Variants in PHACTR3 observed in about 807,000 individuals in gnomAD.
PHACTR3 encodes phosphatase and actin regulator 3.
Under a neutral mutation model 66.8 loss-of-function variants are expected in PHACTR3, and 16 were observed. The ratio of observed to expected loss-of-function variants is 0.24; its 90% CI spans 0.16 to 0.36. The LOEUF is 0.36. PHACTR3 is among the 10% of genes least tolerant of loss of function. The probability of loss-of-function intolerance (pLI) is 1.00; values close to 1 mark genes in which losing one functional copy is unlikely to be tolerated. For synonymous variants in PHACTR3, 323 were observed against 292.1 expected (o/e 1.11, Z -1.08); for missense variants, 647 against 719.9 (o/e 0.90, Z 1.16).
intron 8 of PHACTR3, among the ~76,000 whole-genome samples, chr20:59,828,574 G>A (rs1330310890): frequency 6.6e-6 from 1 of 152,154 alleles, no homozygotes; most frequent in African/African-American, 2.4e-5. Flanking sequence ...TGTAATAATG[G>A]GGGTGTGTGG....
At chr20:59,845,156 C>A in intron 11 of PHACTR3, 33 bp from the exon 12 acceptor site, 1 of 1,324,020 alleles carries the variant, frequency 7.6e-7, no homozygotes. Context: ...TTTTTAATAT[C>A]CTGTAAAACA....
chr20:59,783,276 G>T (rs769181296), intron 7 of PHACTR3, among the ~76,000 whole-genome samples: 17 of 152,172 alleles, frequency 1.1e-4, no homozygotes, highest in Non-Finnish European at 2.1e-4. Flanking sequence ...CAGGATGCTT[G>T]TGAGAACCTG....
At chr20:59,644,734 C>T (rs1399761943) in intron 1 of PHACTR3, among the ~76,000 whole-genome samples, 1 of 152,226 alleles carries the variant, frequency 6.6e-6, no homozygotes, top group African/African-American at 2.4e-5. Context: ...TGGGGGCTCT[C>T]CCTGCACCAG....
chr20:59,614,780 A>G (rs2033974450), intron 1 of PHACTR3, among the ~76,000 whole-genome samples: 1 of 152,200 alleles, frequency 6.6e-6, no homozygotes, highest in Non-Finnish European at 1.5e-5. Context: ...CCTTATTGTA[A>G]TCACTAGCTC....
At chr20:59,645,583 C>T (rs1190184925) in intron 1 of PHACTR3, among the ~76,000 whole-genome samples, 3 of 152,142 alleles carry the variant, frequency 2.0e-5, no homozygotes, top group African/African-American at 7.2e-5. Context: ...GCGTGCTCAT[C>T]ACCATCTGGA....
intron 1 of PHACTR3, among the ~76,000 whole-genome samples, chr20:59,668,552 C>A (rs561402328): frequency 6.6e-6 from 1 of 152,328 alleles, no homozygotes; most frequent in East Asian, 1.9e-4. Flanking sequence ...AAGCTCTCCA[C>A]CATTTAAGAT....
In PHACTR3 at chr20:59,646,357, G is replaced by A. The variant is rs1232692261; in HGVS notation, c.118+41225G>A. On this transcript the variant is annotated intron_variant, in intron 1 of 12. Coordinates refer to ENST00000371015, the MANE Select transcript of PHACTR3 (RefSeq NM_080672.5). ...ATAATACCTTTTTATAAAAGACCAC[G>A]AAGAAAACTACATTTTCTTGGTGAC... Among the ~76,000 whole-genome samples, 11 of 152,206 alleles carry A rather than the reference G, an allele frequency of 7.2e-5. No individual in the cohort carries two copies. In the East Asian group the frequency reaches 1.3e-3, roughly 19 times the overall value.
At chr20:59,622,787 C>G (rs888257035) in intron 1 of PHACTR3, among the ~76,000 whole-genome samples, 1 of 151,716 alleles carries the variant, frequency 6.6e-6, no homozygotes, top group Non-Finnish European at 1.5e-5. Context: ...CTGGGGGAGC[C>G]GGCTCTGGCC....
intron 1 of PHACTR3, among the ~76,000 whole-genome samples, chr20:59,658,953 CTTT>C (rs764286425): frequency 1.5e-5 from 2 of 131,256 alleles, no homozygotes; most frequent in African/African-American, 2.8e-5. Flanking sequence ...GCTTACTTGT[CTTT>C]TTTTTTTTTT....
intron 1 of PHACTR3, among the ~76,000 whole-genome samples, chr20:59,663,195 C>T (rs2035873011): frequency 6.6e-6 from 1 of 152,228 alleles, no homozygotes; most frequent in Non-Finnish European, 1.5e-5. Context: ...GTTTAGGACC[C>T]ACCATAGGCT....
intron 1 of PHACTR3, among the ~76,000 whole-genome samples, chr20:59,728,521 AC>A (rs1368857881): frequency 6.6e-6 from 1 of 152,132 alleles, no homozygotes; most frequent in Non-Finnish European, 1.5e-5. Context: ...ATGCCCATCG[AC>A]AGATCGATGG....
intron 7 of PHACTR3, among the ~76,000 whole-genome samples, 176 bp downstream of exon 7, chr20:59,774,666 G>A (rs1378702225): frequency 6.6e-6 from 1 of 151,952 alleles, no homozygotes; most frequent in Non-Finnish European, 1.5e-5. Context: ...ACAAGCTGGG[G>A]TGGGGGTGCA....
rs374799479 is a variant in PHACTR3 at position 59,735,165 on chromosome 20, C to T, written c.119-7942C>T. Among the ~76,000 whole-genome samples the T allele has an allele frequency of 9.9e-5, 15 of 152,236 alleles. 1 individual carries two copies. The East Asian group carries it at 2.5e-3, about 25-fold the overall frequency. On this transcript the variant is annotated intron_variant, in intron 1 of 12. Coordinates refer to ENST00000371015, the MANE Select transcript of PHACTR3 (RefSeq NM_080672.5). ...AGCTTCTTATTTGCTTCTATTGTGGCTCATGTCACATTATGAGGTTGCCTT... is the reference window on the plus strand; with the variant it reads ...AGCTTCTTATTTGCTTCTATTGTGGTTCATGTCACATTATGAGGTTGCCTT...
intron 3 of PHACTR3, among the ~76,000 whole-genome samples, chr20:59,751,872 C>G (rs373615512): frequency 2.0e-4 from 31 of 152,152 alleles, no homozygotes; most frequent in African/African-American, 7.0e-4. Context: ...GAGGCCAGAC[C>G]AAATCTCTGG....
At chr20:59,610,006 C>A (rs1243983612) in intron 1 of PHACTR3, among the ~76,000 whole-genome samples, 1 of 152,174 alleles carries the variant, frequency 6.6e-6, no homozygotes, top group Non-Finnish European at 1.5e-5. Flanking sequence ...GTAATCCCAG[C>A]AGTTTGAGAG....
intron 1 of PHACTR3, among the ~76,000 whole-genome samples, chr20:59,654,280 A>G (rs964996245): frequency 2.6e-5 from 4 of 152,218 alleles, no homozygotes; most frequent in Non-Finnish European, 4.4e-5. Flanking sequence ...TTTCAGGGTA[A>G]CCAAATAGCT....
chr20:59,743,152 C>T lies in PHACTR3; in HGVS notation c.164C>T (p.Ser55Leu). 1.9e-6 allele frequency: 3 copies of T among 1,614,082 alleles called. No homozygotes were observed. The highest frequency in any genetic ancestry group is 2.5e-6 in the Non-Finnish European group (3 of 1,179,964). ...TPPARPEYLV[S>L]GIRTPPVRRN... is the part of the protein sequence containing the mutation. ...CCGGCGCGTCCTGAATATCTGGTCTCAGGGATTCGAACTCCCCCTGTGAGG... is the reference window on the plus strand; with the variant it reads ...CCGGCGCGTCCTGAATATCTGGTCTTAGGGATTCGAACTCCCCCTGTGAGG... The change falls in exon 2 of 13, where the codon TCA becomes TTA. Residue 55 changes from serine (S) to leucine (L), a missense_variant. By Grantham distance (145) the Ser-to-Leu change is moderately radical (BLOSUM62 -2). This residue lies in a region of PHACTR3 where 577 missense variants were observed against 571.1 expected (regional missense o/e 1.01). Transcript: ENST00000371015.
chr20:59,817,513 G>A (rs59201829), intron 8 of PHACTR3, among the ~76,000 whole-genome samples: 31,761 of 152,248 alleles, frequency 0.21, 4,935 homozygotes, highest in African/African-American at 0.43. Flanking sequence ...AAGACCAATA[G>A]TATTAACCCA....
At chr20:59,601,393 TC>T (rs2033474960), upstream of PHACTR3, among the ~76,000 whole-genome samples, 1 of 152,270 alleles carries the variant, frequency 6.6e-6, no homozygotes, top group African/African-American at 2.4e-5. Context: ...TTTAGGTTGT[TC>T]GTAATTTTTT....
Sources: allele counts gnomAD v4.1 joint callset (sites outside exome capture counted in the v4.1 genomes callset), GRCh38; gene constraint gnomAD v4.1.1; regional missense constraint gnomAD v4.1.1; transcripts MANE v1.5; gene names NCBI Gene and HGNC (gene_info 2026-07-23, HGNC 2026-07-21).